Variants in TMEM238L observed in about 807,000 individuals in gnomAD.
The protein encoded by TMEM238L is transmembrane protein 238-like.
intron 1 of TMEM238L, among the ~76,000 whole-genome samples, chr17:10,797,377 C>T (rs1304225108): frequency 1.8e-5 from 2 of 110,346 alleles, no homozygotes; most frequent in African/African-American, 4.2e-5. Flanking sequence ...CTCACCCTCC[C>T]TCCTTCCCTC....
At chr17:10,795,290 C>G (rs7210685) in exon 2 of TMEM238L, 49,283 of 152,186 alleles carry the variant, frequency 0.32, 8,519 homozygotes, top group African/African-American at 0.45. Flanking sequence ...TTGGCTAAAA[C>G]CTCAATATGA....
At chr17:10,794,996 AC>A (rs1904497077) in exon 2 of TMEM238L, 1 of 152,226 alleles carries the variant, frequency 6.6e-6, no homozygotes. Context: ...CTTATAAGAG[AC>A]ACATACACTT....
At position 10,798,707 on chromosome 17, in the gene TMEM238L, G is replaced by A. The variant is rs965527593; in HGVS notation, c.*119-2759C>T. On this transcript the variant is annotated intron_variant, in intron 1 of 1. Coordinates refer to ENST00000581851, the Ensembl canonical transcript of TMEM238L. ...TGTGTGTTTCTGGATGTGTGTGGTA[G>A]GTGTGAGTGTGTGGGGGGCGTGTTT... Among the ~76,000 whole-genome samples, 17 of 152,018 alleles carry A rather than the reference G, an allele frequency of 1.1e-4. 1 individual carries two copies. Among genetic ancestry groups the A allele is most frequent in the Admixed American group, 8.5e-4 (13 of 15,246 alleles).
chr17:10,803,057 A>G (rs2043890622), intron 1 of TMEM238L, among the ~76,000 whole-genome samples: 1 of 151,988 alleles, frequency 6.6e-6, no homozygotes, highest in African/African-American at 2.4e-5. Context: ...GGAGGCGAGT[A>G]GTCCCTACCC....
At chr17:10,803,142 G>C (rs1288195467) in intron 1 of TMEM238L, among the ~76,000 whole-genome samples, 1 of 152,102 alleles carries the variant, frequency 6.6e-6, no homozygotes, top group African/African-American at 2.4e-5. Flanking sequence ...GTTCTGCTCT[G>C]TTTGCTTTTA....
chr17:10,797,640 T>C (rs1441211843), intron 1 of TMEM238L, among the ~76,000 whole-genome samples: 1 of 152,244 alleles, frequency 6.6e-6, no homozygotes, highest in South Asian at 2.1e-4. Flanking sequence ...AACTCATGCC[T>C]TTTTCTGACC....
At chr17:10,799,995 G>T (rs931644567) in intron 1 of TMEM238L, among the ~76,000 whole-genome samples, 3 of 151,158 alleles carry the variant, frequency 2.0e-5, no homozygotes, top group Admixed American at 2.0e-4. Flanking sequence ...GCAGTGGCGT[G>T]ATCTCGGCTC....
chr17:10,799,685 G>C (rs1240563809), intron 1 of TMEM238L, among the ~76,000 whole-genome samples: 1 of 152,244 alleles, frequency 6.6e-6, no homozygotes, highest in Admixed American at 6.5e-5. Context: ...GTCGTAGGCT[G>C]TAGGGGAAGT....
intron 1 of TMEM238L, 45 bp downstream of exon 1, chr17:10,803,561 A>G (rs768824866): frequency 5.1e-6 from 2 of 394,016 alleles, no homozygotes; most frequent in Non-Finnish European, 8.9e-6. Flanking sequence ...CTGCTTGTCC[A>G]AGCCTCTCTG....
chr17:10,802,670 G>A (rs573426261), intron 1 of TMEM238L, among the ~76,000 whole-genome samples: 55 of 152,302 alleles, frequency 3.6e-4, no homozygotes, highest in Middle Eastern at 3.4e-3. Context: ...AGTAAGAAAC[G>A]GGAGTGCCTG....
chr17:10,801,477 C>T (rs1402944985), intron 1 of TMEM238L, among the ~76,000 whole-genome samples: 6 of 152,180 alleles, frequency 3.9e-5, no homozygotes, highest in African/African-American at 9.6e-5. Flanking sequence ...ATCTCCCTGT[C>T]GTCTTTTATT....
At chr17:10,801,136 C>T (rs544448425) in intron 1 of TMEM238L, among the ~76,000 whole-genome samples, 54 of 151,674 alleles carry the variant, frequency 3.6e-4, no homozygotes, top group Admixed American at 8.5e-4. Flanking sequence ...CTGCAAGCTC[C>T]GCCTCCCGGG....
chr17:10,799,012 C>T (rs1330559908), intron 1 of TMEM238L, among the ~76,000 whole-genome samples: 1 of 151,898 alleles, frequency 6.6e-6, no homozygotes, highest in Non-Finnish European at 1.5e-5. Flanking sequence ...AAATCAGCCA[C>T]TCGCCCTGAA....
chr17:10,795,937 A>T (rs1445122284), exon 2 of TMEM238L: 3 of 152,270 alleles, frequency 2.0e-5, no homozygotes, highest in Admixed American at 6.5e-5. Flanking sequence ...ATTCTCCTCC[A>T]TCAGATGGGA....
intron 1 of TMEM238L, among the ~76,000 whole-genome samples, chr17:10,798,229 C>G (rs1018004192): frequency 1.4e-4 from 22 of 152,182 alleles, no homozygotes; most frequent in African/African-American, 5.3e-4. Flanking sequence ...TTCTGTGCCT[C>G]CTCTCAGCTT....
chr17:10,804,020 G>T, exon 1 of TMEM238L: 1 of 401,052 alleles, frequency 2.5e-6, no homozygotes, highest in South Asian at 1.3e-4. Flanking sequence ...TTGCATGGGA[G>T]GGTGGCGGTC....
chr17:10,797,703 C>T (rs916759358), intron 1 of TMEM238L: 10 of 152,146 alleles, frequency 6.6e-5, no homozygotes, highest in Admixed American at 5.2e-4. Flanking sequence ...CAATGCCACC[C>T]CCGATCTGCT....
intron 1 of TMEM238L, among the ~76,000 whole-genome samples, chr17:10,796,230 T>C (rs1267144036): frequency 6.6e-6 from 1 of 152,158 alleles, no homozygotes; most frequent in Non-Finnish European, 1.5e-5. Context: ...AATATCAAGA[T>C]TCTCATCAAA....
At chr17:10,795,268 G>A (rs34268729) in exon 2 of TMEM238L, 2,465 of 152,366 alleles carry the variant, frequency 0.016, 34 homozygotes, top group Non-Finnish European at 0.025. Context: ...AAAAATGCAC[G>A]GGAGATTTCA....
Sources: gnomAD v4.1 joint callset for allele counts (sites outside exome capture counted in the v4.1 genomes callset) on GRCh38, gnomAD v4.1.1 for gene constraint, MANE v1.5 for transcripts, NCBI Gene and HGNC (gene_info 2026-07-23, HGNC 2026-07-21) for gene names.